The following FNDC3A variants were observed in gnomAD, a reference collection of about 807,000 sequenced individuals.
FNDC3A encodes the protein fibronectin type III domain containing 3A.
In FNDC3A, 32 loss-of-function variants were observed where a neutral mutation model predicts 148.9. That is an observed-to-expected ratio of 0.21 (90% CI 0.16 to 0.29). The LOEUF is 0.29. FNDC3A is among the 10% of genes least tolerant of loss of function. FNDC3A has a pLI of 1.00. For synonymous variants in FNDC3A, 472 were observed against 473.6 expected, an observed-to-expected ratio of 1.00 and a Z score of 0.04; for missense variants, 1,191 against 1,452.8, an observed-to-expected ratio of 0.82 and a Z score of 2.93.
At chr13:49,158,423 C>G (rs1485441040) in intron 8 of FNDC3A, among the ~76,000 whole-genome samples, 1 of 152,214 alleles carries the variant, frequency 6.6e-6, no homozygotes, top group African/African-American at 2.4e-5. Flanking sequence ...CACTGTCTGG[C>G]ACTCCCTAGT....
rs141457532 is a variant in FNDC3A at position 48,989,986 on chromosome 13, G to A, written c.-40+13809G>A. On this transcript the variant is annotated intron_variant, in intron 1 of 25. Coordinates refer to ENST00000492622, the MANE Select transcript of FNDC3A (RefSeq NM_001079673.2). The stretch of plus-strand genomic sequence containing the variant: ...AGGATGGTCTCCATCTCTTGACCTC[G>A]TGATCCGCCCACCTTCGCCTCCCAA... 7.6e-3 allele frequency among the ~76,000 whole-genome samples: 1,158 copies of A among 152,048 alleles called. 20 individuals carry two copies. The highest frequency in any genetic ancestry group is 0.026 in the African/African-American group (1,098 of 41,468).
chr13:49,020,862 A>G (rs1873271523), intron 2 of FNDC3A, among the ~76,000 whole-genome samples: 1 of 152,238 alleles, frequency 6.6e-6, no homozygotes, highest in Non-Finnish European at 1.5e-5. Context: ...AAAGGCAAAA[A>G]CCAGGATTCA....
intron 3 of FNDC3A, among the ~76,000 whole-genome samples, chr13:49,095,644 A>T (rs978128775): frequency 6.6e-6 from 1 of 152,122 alleles, no homozygotes; most frequent in South Asian, 2.1e-4. Context: ...CATTAGAAGG[A>T]TATCCTGGTG....
rs1952217718 is a variant in FNDC3A, at chr13:49,006,206, C to T, written c.16C>T (p.Pro6Ser). The T allele has an allele frequency of 6.3e-7, 1 of 1,596,828 alleles. No homozygotes were observed. Among genetic ancestry groups the T allele is most frequent in the Non-Finnish European group, 8.6e-7 (1 of 1,165,766 alleles). The change falls in exon 2 of 26, where the codon CCA (proline) becomes TCA (serine). Residue 6 changes from proline (P) to serine (S), a missense_variant. Physicochemically the swap from Pro to Ser is moderately conservative, Grantham distance 74. This residue lies in a region of FNDC3A where 426 missense variants were observed against 473.2 expected (regional missense o/e 0.90). Transcript: ENST00000492622. MAEHP[P>S]LLDTTQILSS... ...CTTATTGATAATGGCAGAACATCCACCACTACTGGATACAACTCAGATCTT... is the reference window on the plus strand; with the variant it reads ...CTTATTGATAATGGCAGAACATCCATCACTACTGGATACAACTCAGATCTT...
chr13:49,190,901 C>T (rs999444983), intron 17 of FNDC3A, 114 bp from the exon 18 acceptor site: 2 of 641,008 alleles, frequency 3.1e-6, no homozygotes, highest in African/African-American at 1.9e-5. Flanking sequence ...CAATCAAGTA[C>T]AATTTCAAAT....
Position 49,114,680 on chromosome 13 carries a change from C to T in FNDC3A, c.201C>T (p.Ser67=). 2 of 1,613,078 alleles carry T rather than the reference C, an allele frequency of 1.2e-6. No individual in the cohort carries two copies. The highest frequency in any genetic ancestry group is 8.5e-7 in the Non-Finnish European group (1 of 1,179,162). ...GTCCTGCTCAGGTTCCAATGATGTC[C>T]CCAAATGGTTCTGTGCCTCCTATCT... ...ITGPAQVPMM[S]PNGSVPPIYV... Residue 67 remains serine (S), a synonymous_variant, in exon 4 of 26, where the codon TCC becomes TCT. Transcript: ENST00000492622.
At chr13:49,116,203 T>C (rs913910189) in intron 4 of FNDC3A, among the ~76,000 whole-genome samples, 1 of 152,222 alleles carries the variant, frequency 6.6e-6, no homozygotes, top group Non-Finnish European at 1.5e-5. Flanking sequence ...CATCGTGAGC[T>C]CTGAAAGCAG....
intron 3 of FNDC3A, among the ~76,000 whole-genome samples, chr13:49,086,459 C>T (rs1462192747): frequency 6.6e-6 from 1 of 152,164 alleles, no homozygotes; most frequent in Non-Finnish European, 1.5e-5. Context: ...ATACTAATTA[C>T]ATACCATGTC....
chr13:49,002,491 G>T (rs1028060898), intron 1 of FNDC3A, among the ~76,000 whole-genome samples: 1 of 152,076 alleles, frequency 6.6e-6, no homozygotes, highest in African/African-American at 2.4e-5. Context: ...TATATAATCA[G>T]TATACAGCTT....
intron 2 of FNDC3A, among the ~76,000 whole-genome samples, chr13:49,028,235 T>C (rs1030159606): frequency 1.3e-5 from 2 of 151,828 alleles, no homozygotes; most frequent in African/African-American, 2.4e-5. Context: ...AAATTCATGA[T>C]TTAACTATGT....
At chr13:49,102,661 G>A (rs1473325506) in intron 3 of FNDC3A, among the ~76,000 whole-genome samples, 1 of 152,064 alleles carries the variant, frequency 6.6e-6, no homozygotes, top group Admixed American at 6.5e-5. Flanking sequence ...TGTATTTTTT[G>A]TTCCCTAAAG....
intron 17 of FNDC3A, among the ~76,000 whole-genome samples, chr13:49,190,342 A>G (rs1168176426): frequency 1.3e-5 from 2 of 152,214 alleles, no homozygotes; most frequent in Non-Finnish European, 2.9e-5. Context: ...GGTGGAAAGG[A>G]TGAAGGAAAG....
chr13:49,033,967 A>G (rs1170964019), intron 2 of FNDC3A, among the ~76,000 whole-genome samples: 1 of 152,044 alleles, frequency 6.6e-6, no homozygotes, highest in Non-Finnish European at 1.5e-5. Flanking sequence ...ACCACTTTGT[A>G]GTTAAAACTG....
At chr13:49,055,953 G>T (rs1876206195) in intron 2 of FNDC3A, among the ~76,000 whole-genome samples, 1 of 152,094 alleles carries the variant, frequency 6.6e-6, no homozygotes, top group Admixed American at 6.6e-5. Flanking sequence ...TTGGAAGGCT[G>T]AGGCAGGACG....
At chr13:49,017,215 C>T (rs1014583910) in intron 2 of FNDC3A, among the ~76,000 whole-genome samples, 2 of 152,048 alleles carry the variant, frequency 1.3e-5, no homozygotes, top group Non-Finnish European at 2.9e-5. Context: ...TAAAGTCTCC[C>T]ATTATTAATG....
chr13:49,187,058 GT>G (rs550246096), intron 15 of FNDC3A, 63 bp from the exon 16 acceptor site: 6 of 1,252,062 alleles, frequency 4.8e-6, no homozygotes, highest in Non-Finnish European at 5.7e-6. Context: ...TGTTTATTAG[GT>G]TTTTTTTATC....
intron 3 of FNDC3A, among the ~76,000 whole-genome samples, chr13:49,084,580 T>G (rs1485695340): frequency 6.6e-6 from 1 of 152,216 alleles, no homozygotes; most frequent in East Asian, 1.9e-4. Context: ...TTCTCATGAT[T>G]TGACTCTTTG....
chr13:49,038,447 A>T (rs1407576067), intron 2 of FNDC3A, among the ~76,000 whole-genome samples: 2 of 152,196 alleles, frequency 1.3e-5, no homozygotes, highest in African/African-American at 4.8e-5. Context: ...TAGGACATAG[A>T]CACATACAGA....
At chr13:49,148,989 G>A (rs1437398740) in intron 8 of FNDC3A, among the ~76,000 whole-genome samples, 1 of 151,842 alleles carries the variant, frequency 6.6e-6, no homozygotes, top group East Asian at 1.9e-4. Context: ...TGCCTTTTGG[G>A]CTTCTTTCTC....
Sources: allele counts gnomAD v4.1 joint callset (sites outside exome capture counted in the v4.1 genomes callset), GRCh38; gene constraint gnomAD v4.1.1; regional missense constraint gnomAD v4.1.1; transcripts MANE v1.5; gene names NCBI Gene and HGNC (gene_info 2026-07-23, HGNC 2026-07-21).